Variants in DYNC1H1 observed in about 807,000 individuals in gnomAD.
DYNC1H1 encodes the protein dynein cytoplasmic 1 heavy chain 1, also known as cytoplasmic dynein 1 heavy chain 1.
In DYNC1H1, 51 loss-of-function variants were observed where a neutral mutation model predicts 527.1. That is an observed-to-expected ratio of 0.10 (90% CI 0.08 to 0.12). DYNC1H1 has a LOEUF of 0.12. DYNC1H1 is among the 10% of genes least tolerant of loss of function. DYNC1H1 has a pLI of 1.00. For missense variants in DYNC1H1, 2,771 were observed against 5,971.8 expected, an observed-to-expected ratio of 0.46 and a Z score of 17.66; for synonymous variants, 2,189 against 2,278.8, an observed-to-expected ratio of 0.96 and a Z score of 1.12.
rs760229878 is a variant in DYNC1H1, at chr14:102,044,386, A to G, written c.12797A>G (p.Asn4266Ser). The G allele has an allele frequency of 8.1e-6, 13 of 1,614,052 alleles. No individual in the cohort carries two copies. The highest frequency in any genetic ancestry group is 5.0e-5 in the Admixed American group (3 of 60,006). The change falls in exon 71 of 78, where the codon AAC (asparagine) becomes AGC (serine). Residue 4266 changes from asparagine to serine, a missense_variant. Coordinates refer to ENST00000360184, the MANE Select transcript of DYNC1H1 (RefSeq NM_001376.5). The surrounding 1 kb of genome is among the most constrained non-coding windows in gnomAD (Gnocchi z 7.1). ...VDNEFDQRLL[N>S]TFLERLFTTR... Reference sequence around the variant, plus strand: ...AACGAGTTTGACCAGCGTCTGCTCAACACCTTCCTGGAGCGCCTGTTCACA... The same window carrying G: ...AACGAGTTTGACCAGCGTCTGCTCAGCACCTTCCTGGAGCGCCTGTTCACA...
chr14:101,973,092 G>A (rs2047758448), intron 1 of DYNC1H1, among the ~76,000 whole-genome samples: 1 of 151,718 alleles, frequency 6.6e-6, no homozygotes. Context: ...CAAGTATCTG[G>A]CATACTAGAA....
chr14:101,980,307 A>G, intron 4 of DYNC1H1, 57 bp from the exon 5 acceptor site: 1 of 1,591,932 alleles, frequency 6.3e-7, no homozygotes, highest in Non-Finnish European at 8.6e-7. Flanking sequence ...TGTTAACGAT[A>G]TCTATTCTAC....
chr14:102,009,975 G>A lies in DYNC1H1; in HGVS notation c.6110G>A (p.Arg2037Gln). 6.2e-7 allele frequency: 1 copy of A among 1,614,012 alleles called. No homozygotes were observed. Among genetic ancestry groups the A allele is most frequent in the Non-Finnish European group, 8.5e-7 (1 of 1,180,002 alleles). Residue 2037 changes from arginine to glutamine, a missense_variant, in exon 30 of 78, where the codon CGG becomes CAG. Coordinates refer to ENST00000360184, the MANE Select transcript of DYNC1H1 (RefSeq NM_001376.5). ...CCTGACAACTTGAAGAAGCTGTTCC[G>A]GAGCTTGGCCATGACCAAGCCCGAC... Reference protein sequence around the residue: ...NLPDNLKKLFRSLAMTKPDRQ... With the variant: ...NLPDNLKKLFQSLAMTKPDRQ...
Position 102,048,708 on chromosome 14 carries a change from G to A in DYNC1H1, c.13372+39G>A, listed in dbSNP as rs190959108. On this transcript the variant is annotated intron_variant, in intron 74 of 77. Coordinates refer to ENST00000360184, the MANE Select transcript of DYNC1H1 (RefSeq NM_001376.5). Reference sequence around the variant, plus strand: ...CGAACTCGTGGTGTGGCTTCCGGCGGGCACCTTGGCCAGGGGCCACAACCC... The same window carrying A: ...CGAACTCGTGGTGTGGCTTCCGGCGAGCACCTTGGCCAGGGGCCACAACCC... The A allele has an allele frequency of 7.5e-5, 120 of 1,604,290 alleles. 1 individual carries two copies. In the African/African-American group the frequency reaches 1.4e-3, roughly 19 times the overall value.
Position 102,036,375 on chromosome 14 carries a change from G to A in DYNC1H1, c.10755-114G>A, listed in dbSNP as rs547191843. ...GAAAACGTCTCCGGAAACCACTCTC[G>A]GGTGGTGGTAACAGCCTATCAATCA... On this transcript the variant is annotated intron_variant, in intron 56 of 77. Coordinates refer to ENST00000360184, the MANE Select transcript of DYNC1H1 (RefSeq NM_001376.5). This position sits in a 1 kb window ranked among gnomAD's most constrained non-coding sequence, Gnocchi z 5.6. 54 of 1,403,780 alleles carry A rather than the reference G, an allele frequency of 3.8e-5. No individual in the cohort carries two copies. In the African/African-American group the frequency reaches 5.8e-4, roughly 15 times the overall value. 87.0% of individuals were successfully genotyped at this position (1,403,780 alleles called of 1,614,324 possible). A position where few individuals can be genotyped will look rare whatever the true frequency, so the allele number is the denominator to read the frequency against.
intron 72 of DYNC1H1, among the ~76,000 whole-genome samples, chr14:102,046,172 A>AG: frequency 6.6e-6 from 1 of 152,056 alleles, no homozygotes; most frequent in East Asian, 1.9e-4. Context: ...TGTCTCAAAA[A>AG]AAAAAAAAAA....
Position 102,054,887 on chromosome 14 carries a change from G to A in DYNC1H1, c.*4324G>A, listed in dbSNP as rs2048860020. ...CCTGGCCCTCTTGTATTTTTTTGTA[G>A]AGACAGGGTTTTGCCATGTTGCCCA... On this transcript the variant is annotated 3_prime_UTR_variant, in exon 78 of 78. Transcript: ENST00000360184. 6.6e-6 allele frequency: 1 copy of A among 152,170 alleles called. No individual in the cohort carries two copies. The highest frequency in any genetic ancestry group is 2.4e-5 in the African/African-American group (1 of 41,364). 9.4% of individuals were successfully genotyped at this position (152,170 alleles called of 1,614,324 possible).
intron 9 of DYNC1H1, among the ~76,000 whole-genome samples, 170 bp from the exon 10 acceptor site, chr14:101,988,533 T>C (rs1054501154): frequency 4.6e-5 from 7 of 152,290 alleles, no homozygotes; most frequent in Middle Eastern, 3.4e-3. Context: ...TAACAAGTGA[T>C]CTGTGGCTGG....
At chr14:102,024,955 A>G (rs1300737857) in intron 43 of DYNC1H1, among the ~76,000 whole-genome samples, 1 of 151,366 alleles carries the variant, frequency 6.6e-6, no homozygotes, top group African/African-American at 2.4e-5. Context: ...CGGCCTCCCA[A>G]AGTGCTGGGA....
Position 102,036,558 on chromosome 14 carries a change from G to A in DYNC1H1, c.10824G>A (p.Lys3608=). ...TTATGAATGAATATAAGGATCGTAA[G>A]ATCACACGGACCAGCTTCCTGGATG... The part of the protein sequence containing the change: ...EFIMNEYKDR[K]ITRTSFLDDA... The change falls in exon 57 of 78, where the codon AAG becomes AAA. Residue 3608 remains lysine (K), a synonymous_variant. Transcript: ENST00000360184. The surrounding 1 kb of genome is among the most constrained non-coding windows in gnomAD (Gnocchi z 5.6). The A allele has an allele frequency of 6.2e-7, 1 of 1,614,144 alleles. No homozygotes were observed.
At chr14:102,021,868 C>A (rs1004520017) in intron 42 of DYNC1H1, among the ~76,000 whole-genome samples, 1 of 152,062 alleles carries the variant, frequency 6.6e-6, no homozygotes. Flanking sequence ...ACCACATTGG[C>A]CAGGCTAGTC....
rs1174367006 is a variant in DYNC1H1, at chr14:102,042,224, C to T, written c.12215-4C>T. ...GCTGCTAACACTAAGTTTCCCTGCA[C>T]CAGGCTCTGCAGAAGGCTTTAACCA... On this transcript the variant is annotated splice_polypyrimidine_tract_variant and splice_region_variant and intron_variant, in intron 66 of 77. Transcript: ENST00000360184. The surrounding 1 kb of genome is among the most constrained non-coding windows in gnomAD (Gnocchi z 5.7). The T allele has an allele frequency of 6.8e-6, 11 of 1,614,036 alleles. No individual in the cohort carries two copies. Among genetic ancestry groups the T allele is most frequent in the African/African-American group, 1.3e-5 (1 of 74,992 alleles).
intron 23 of DYNC1H1, among the ~76,000 whole-genome samples, chr14:102,003,442 A>G (rs1271531223): frequency 6.6e-6 from 1 of 151,882 alleles, no homozygotes; most frequent in African/African-American, 2.4e-5. Context: ...TTATATTTTT[A>G]GTAGAGATGG....
At chr14:102,004,993 G>T in intron 25 of DYNC1H1, 43 bp downstream of exon 25, 1 of 1,614,152 alleles carries the variant, frequency 6.2e-7, no homozygotes, top group Non-Finnish European at 8.5e-7. Flanking sequence ...TGAAAACGCA[G>T]ACCAATCTTT....
In DYNC1H1 at chr14:102,018,258, G is replaced by T. The variant is rs111618000; in HGVS notation, c.8178-193G>T. On this transcript the variant is annotated intron_variant, in intron 40 of 77. Transcript: ENST00000360184. This position sits in a 1 kb window ranked among gnomAD's most constrained non-coding sequence, Gnocchi z 5.2. Reference sequence around the variant, plus strand: ...GCTGGTTTTTCAAGTGTTTTCCATCGACTGTTGTGTGTCAGACCCCAAGCC... The same window carrying T: ...GCTGGTTTTTCAAGTGTTTTCCATCTACTGTTGTGTGTCAGACCCCAAGCC... 1.3e-5 allele frequency among the ~76,000 whole-genome samples: 2 copies of T among 152,148 alleles called. No homozygotes were observed. Among genetic ancestry groups the T allele is most frequent in the African/African-American group, 4.8e-5 (2 of 41,428 alleles).
intron 2 of DYNC1H1, among the ~76,000 whole-genome samples, chr14:101,976,003 G>A (rs369632659): frequency 6.6e-5 from 10 of 151,366 alleles, no homozygotes; most frequent in African/African-American, 2.4e-4. Context: ...TGCCTCCCGG[G>A]TTCAAGCAAT....
Position 102,027,316 on chromosome 14 carries a change from C to T in DYNC1H1, c.8886+28C>T. On this transcript the variant is annotated intron_variant, in intron 45 of 77. Transcript: ENST00000360184. The surrounding 1 kb of genome is among the most constrained non-coding windows in gnomAD (Gnocchi z 7.7). ...GCGTCTGGTCGGTGGCCTCTTAATC[C>T]CAGCAACAGATGTGTGTGCAGAGCT... 6.2e-7 allele frequency: 1 copy of T among 1,613,922 alleles called. No homozygotes were observed. Among genetic ancestry groups the T allele is most frequent in the Non-Finnish European group, 8.5e-7 (1 of 1,179,950 alleles).
intron 1 of DYNC1H1, among the ~76,000 whole-genome samples, chr14:101,967,639 A>G (rs939764078): frequency 5.9e-5 from 9 of 152,168 alleles, no homozygotes; most frequent in Non-Finnish European, 1.0e-4. Context: ...CAGGAGTTCA[A>G]GACCAGCCTG....
chr14:101,972,537 C>A (rs1413173900), intron 1 of DYNC1H1, among the ~76,000 whole-genome samples: 1 of 152,224 alleles, frequency 6.6e-6, no homozygotes, highest in Admixed American at 6.5e-5. Context: ...TACTGCATTG[C>A]AGTATTCCCA....
Sources: gnomAD v4.1 joint callset for allele counts (sites outside exome capture counted in the v4.1 genomes callset) on GRCh38, gnomAD v4.1.1 for gene constraint, Gnocchi (gnomAD v3.1) non-coding constraint, MANE v1.5 for transcripts, NCBI Gene and HGNC (gene_info 2026-07-23, HGNC 2026-07-21) for gene names.